Variants in ARFGEF3 observed in about 807,000 individuals in gnomAD.
ARFGEF3 encodes the protein ARFGEF family member 3.
ARFGEF3 carries 96 observed loss-of-function variants against 221.7 expected under a neutral mutation model. The observed-to-expected ratio is 0.43, with a 90% CI of 0.37 to 0.51. ARFGEF3 has a LOEUF of 0.51. ARFGEF3 is among the 20% of genes least tolerant of loss of function. ARFGEF3 has a pLI of 0.00. For synonymous variants in ARFGEF3, 1,145 were observed against 1,126.8 expected, an observed-to-expected ratio of 1.02 and a Z score of -0.32; for missense variants, 2,410 against 2,789.9, an observed-to-expected ratio of 0.86 and a Z score of 3.07.
chr6:138,288,152 G>A (rs1779329878), intron 17 of ARFGEF3, among the ~76,000 whole-genome samples: 1 of 152,230 alleles, frequency 6.6e-6, no homozygotes, highest in Admixed American at 6.5e-5. Flanking sequence ...GAGAGGTCGA[G>A]GAAAGCGGAT....
chr6:138,218,158 T>C lies in ARFGEF3; in HGVS notation c.351+8117T>C, dbSNP rs1777909594. On this transcript the variant is annotated intron_variant, in intron 4 of 33. Transcript: ENST00000251691. ...AAGTGTGTCTGCAAGGGTGTGAGAA[T>C]TGCATGGTGTGACTGTTCTATGGAA... The C allele has an allele frequency of 3.7e-6, 6 of 1,613,964 alleles. No homozygotes were observed. In the South Asian group the frequency reaches 6.6e-5, roughly 18 times the overall value.
At chr6:138,318,762 TCAA>T (rs750350941) in intron 27 of ARFGEF3, among the ~76,000 whole-genome samples, 5 of 152,148 alleles carry the variant, frequency 3.3e-5, no homozygotes, top group Admixed American at 6.6e-5. Context: ...CAAAAACTCA[TCAA>T]CATTTCCACA....
chr6:138,270,451 CACACACACACACAT>C (rs1383640307), intron 12 of ARFGEF3, among the ~76,000 whole-genome samples: 2 of 144,234 alleles, frequency 1.4e-5, no homozygotes, highest in African/African-American at 2.9e-5. Flanking sequence ...CACACACACA[CACACACACACACAT>C]ATATATATCT....
intron 14 of ARFGEF3, among the ~76,000 whole-genome samples, chr6:138,282,546 A>G (rs1670865836): frequency 6.6e-6 from 1 of 152,312 alleles, no homozygotes; most frequent in South Asian, 2.1e-4. Context: ...GGCACTATTT[A>G]GGAATCAGGC....
intron 31 of ARFGEF3, among the ~76,000 whole-genome samples, chr6:138,327,564 C>T (rs915481670): frequency 6.6e-6 from 1 of 152,208 alleles, no homozygotes; most frequent in Non-Finnish European, 1.5e-5. Context: ...TTCTTAGTCA[C>T]ATCTGCCATG....
intron 2 of ARFGEF3, 103 bp downstream of exon 2, chr6:138,170,816 C>T: frequency 1.4e-6 from 1 of 715,786 alleles, no homozygotes. Context: ...TTTTGTGCTG[C>T]TATAACAGAA....
intron 2 of ARFGEF3, among the ~76,000 whole-genome samples, chr6:138,181,550 TCTC>T (rs1301918052): frequency 1.3e-5 from 2 of 152,176 alleles, no homozygotes; most frequent in African/African-American, 2.4e-5. Context: ...TTCAAGCAAT[TCTC>T]CTGCCTTGGC....
chr6:138,277,211 T>C (rs1198285373), intron 12 of ARFGEF3, among the ~76,000 whole-genome samples: 8 of 152,228 alleles, frequency 5.3e-5, no homozygotes, highest in Non-Finnish European at 1.2e-4. Context: ...AGGTGCTTCA[T>C]AGAGTGCATC....
In ARFGEF3 at chr6:138,334,589, T is replaced by G; in HGVS notation, c.5743T>G (p.Tyr1915Asp). 1 of 1,613,672 alleles carries G rather than the reference T, an allele frequency of 6.2e-7. No individual in the cohort carries two copies. Among genetic ancestry groups the G allele is most frequent in the Non-Finnish European group, 8.5e-7 (1 of 1,179,890 alleles). Residue 1915 changes from tyrosine (Y) to aspartate (D), a missense_variant, in exon 33 of 34, where the codon TAC becomes GAC. Transcript: ENST00000251691. This position sits in a 1 kb window ranked among gnomAD's most constrained non-coding sequence, Gnocchi z 5.1. The stretch of plus-strand genomic sequence containing the variant: ...GCTGTGCATGGAACTGTGCAACAAC[T>G]ACATCCAGATGCACTTGGACCTGGA... The part of the protein sequence containing the change: ...HKLCMELCNN[Y>D]IQMHLDLENC...
At chr6:138,175,301 G>A (rs900796379) in intron 2 of ARFGEF3, among the ~76,000 whole-genome samples, 3 of 152,142 alleles carry the variant, frequency 2.0e-5, no homozygotes, top group African/African-American at 7.2e-5. Flanking sequence ...CCTTAGTCTT[G>A]CTTTTGATTT....
intron 19 of ARFGEF3, among the ~76,000 whole-genome samples, chr6:138,293,108 A>G (rs1180495014): frequency 6.6e-6 from 1 of 152,208 alleles, no homozygotes; most frequent in Non-Finnish European, 1.5e-5. Context: ...TCCTCTTTCA[A>G]GAAGGACTCA....
intron 25 of ARFGEF3, among the ~76,000 whole-genome samples, 174 bp downstream of exon 25, chr6:138,311,684 A>G (rs1218677384): frequency 6.6e-6 from 1 of 152,228 alleles, no homozygotes; most frequent in African/African-American, 2.4e-5. Context: ...CATGAAGGAA[A>G]GAAAATAATG....
chr6:138,200,041 G>A (rs1777504113), intron 2 of ARFGEF3, among the ~76,000 whole-genome samples: 1 of 152,146 alleles, frequency 6.6e-6, no homozygotes, highest in South Asian at 2.1e-4. Context: ...TTACATTAAG[G>A]TATGTCCCCT....
At chr6:138,284,467 C>A (rs1358588140) in intron 14 of ARFGEF3, among the ~76,000 whole-genome samples, 1 of 152,190 alleles carries the variant, frequency 6.6e-6, no homozygotes, top group Admixed American at 6.5e-5. Context: ...GAACTTGGGG[C>A]CTTGGCGAGC....
rs540304789 is a variant in ARFGEF3 at position 138,337,423 on chromosome 6, A to T, written c.*937A>T. On this transcript the variant is annotated 3_prime_UTR_variant, in exon 34 of 34. Coordinates refer to ENST00000251691, the MANE Select transcript of ARFGEF3 (RefSeq NM_020340.5). ...AGGTATAGCATTTGGTTTTTAAGAA[A>T]ACAAAACATTAAGACGCAACTCATT... is the stretch of plus-strand genomic sequence containing the variant. 7 of 152,788 alleles carry T rather than the reference A, an allele frequency of 4.6e-5. No homozygotes were observed. The highest frequency in any genetic ancestry group is 2.1e-4 in the South Asian group (1 of 4,828). 9.5% of individuals were successfully genotyped at this position (152,788 alleles called of 1,614,324 possible).
At chr6:138,274,038 C>G (rs1376118198) in intron 12 of ARFGEF3, among the ~76,000 whole-genome samples, 3 of 152,188 alleles carry the variant, frequency 2.0e-5, no homozygotes, top group Non-Finnish European at 4.4e-5. Flanking sequence ...TCTCCACCAG[C>G]AGTGCCTGCC....
At chr6:138,301,924 A>G (rs1012695163) in intron 22 of ARFGEF3, among the ~76,000 whole-genome samples, 2 of 152,210 alleles carry the variant, frequency 1.3e-5, no homozygotes, top group Non-Finnish European at 2.9e-5. Context: ...GAGCAGACAC[A>G]TGAGCGCCAT....
intron 26 of ARFGEF3, 44 bp from the exon 27 acceptor site, chr6:138,317,207 T>C: frequency 6.3e-7 from 1 of 1,597,260 alleles, no homozygotes; most frequent in Non-Finnish European, 8.5e-7. Context: ...GATTATTCAT[T>C]GTGTCTAACT....
At chr6:138,266,988 C>T (rs560187954) in intron 12 of ARFGEF3, among the ~76,000 whole-genome samples, 26 of 152,082 alleles carry the variant, frequency 1.7e-4, no homozygotes, top group Non-Finnish European at 3.4e-4. Flanking sequence ...CATATGGAGA[C>T]GTTTGGCAGC....
Sources: gnomAD v4.1 joint callset for allele counts (sites outside exome capture counted in the v4.1 genomes callset) on GRCh38, gnomAD v4.1.1 for gene constraint, Gnocchi (gnomAD v3.1) non-coding constraint, MANE v1.5 for transcripts, NCBI Gene and HGNC (gene_info 2026-07-23, HGNC 2026-07-21) for gene names.